Variants in GLI3 observed in about 807,000 individuals in gnomAD.
The protein encoded by GLI3 is GLI family zinc finger 3.
GLI3 carries 20 observed loss-of-function variants against 100.8 expected under a neutral mutation model. The observed-to-expected ratio is 0.20, with a 90% CI of 0.14 to 0.29. The LOEUF (loss-of-function observed/expected upper bound fraction) is 0.29. Ranked by LOEUF, GLI3 falls within the 10% of genes least tolerant of loss-of-function variation. The pLI is 1.00. For synonymous variants in GLI3, 938 were observed against 860.5 expected (o/e 1.09, Z -1.58); for missense variants, 2,040 against 2,128.5 (o/e 0.96, Z 0.82).
Position 41,962,618 on chromosome 7 carries a change from G to A in GLI3, c.*1712C>T, listed in dbSNP as rs1486991866. Reference sequence around the variant, plus strand: ...CTAATAGTCTTAGCCAAAGTCCCCAGTGGCAAATCAACCTCCATGCGGAGA... The same window carrying A: ...CTAATAGTCTTAGCCAAAGTCCCCAATGGCAAATCAACCTCCATGCGGAGA... On this transcript the variant is annotated 3_prime_UTR_variant, in exon 15 of 15. Coordinates refer to ENST00000395925, the MANE Select transcript of GLI3 (RefSeq NM_000168.6). The A allele has an allele frequency of 6.6e-6, 1 of 152,188 alleles. No homozygotes were observed. Among genetic ancestry groups the A allele is most frequent in the Non-Finnish European group, 1.5e-5 (1 of 68,048 alleles). 9.4% of individuals were successfully genotyped at this position (152,188 alleles called of 1,614,324 possible). A position where few individuals can be genotyped will look rare whatever the true frequency, so the allele number is the denominator to read the frequency against.
Position 42,025,462 on chromosome 7 carries a change from G to T in GLI3, c.1243-85C>A, listed in dbSNP as rs974178669. 2.2e-5 allele frequency: 21 copies of T among 949,866 alleles called. No homozygotes were observed. The Admixed American group carries it at 3.5e-4, about 16-fold the overall frequency. 58.8% of individuals were successfully genotyped at this position (949,866 alleles called of 1,614,324 possible). A position where few individuals can be genotyped will look rare whatever the true frequency, so the allele number is the denominator to read the frequency against. Reference sequence around the variant, plus strand: ...CATAATTAAAACCTTGCCAACTCGGGACAAGCGGTCTTATTTGGCTATAAA... The same window carrying T: ...CATAATTAAAACCTTGCCAACTCGGTACAAGCGGTCTTATTTGGCTATAAA... On this transcript the variant is annotated intron_variant, in intron 8 of 14. Coordinates refer to ENST00000395925, the MANE Select transcript of GLI3 (RefSeq NM_000168.6).
At position 42,033,478 on chromosome 7, in the gene GLI3, C is replaced by T. The variant is rs112325569; in HGVS notation, c.1028+6560G>A. On this transcript the variant is annotated intron_variant, in intron 7 of 14. Coordinates refer to ENST00000395925, the MANE Select transcript of GLI3 (RefSeq NM_000168.6). ...GAAGAAGAATCCAATGAGTATCCCA[C>T]CTCTCCTAATTCTTTTGCTCATGAA... Among the ~76,000 whole-genome samples the T allele has an allele frequency of 3.7e-3, 571 of 152,306 alleles. 7 individuals are homozygous for T. Among genetic ancestry groups the T allele is most frequent in the African/African-American group, 0.012 (518 of 41,566 alleles).
At chr7:42,234,791 G>T (rs544803927) in intron 1 of GLI3, among the ~76,000 whole-genome samples, 9 of 152,238 alleles carry the variant, frequency 5.9e-5, no homozygotes, top group Admixed American at 5.9e-4. Context: ...TTTAAGAATT[G>T]CATACCCTGA....
intron 3 of GLI3, among the ~76,000 whole-genome samples, chr7:42,123,854 T>A (rs560212155): frequency 6.6e-6 from 1 of 152,308 alleles, no homozygotes; most frequent in East Asian, 1.9e-4. Flanking sequence ...TTTAAAAACT[T>A]GTTAAAAACA....
In GLI3 at chr7:42,082,231, C is replaced by T. The variant is rs930408716; in HGVS notation, c.368-5374G>A. Among the ~76,000 whole-genome samples, 20 of 152,126 alleles carry T rather than the reference C, an allele frequency of 1.3e-4. No individual in the cohort carries two copies. The East Asian group carries it at 3.3e-3, about 25-fold the overall frequency. On this transcript the variant is annotated intron_variant, in intron 3 of 14. Coordinates refer to ENST00000395925, the MANE Select transcript of GLI3 (RefSeq NM_000168.6). Reference sequence around the variant, plus strand: ...GAGATAGTAGAGAGGCAGCCCAGGCCTCATCACTGTCTCTTCCCACCATGG... The same window carrying T: ...GAGATAGTAGAGAGGCAGCCCAGGCTTCATCACTGTCTCTTCCCACCATGG...
intron 10 of GLI3, among the ~76,000 whole-genome samples, chr7:41,985,376 G>A (rs73099015): frequency 6.6e-6 from 1 of 152,104 alleles, no homozygotes; most frequent in East Asian, 1.9e-4. Context: ...GGATTTGCTG[G>A]GGAAAGATAT....
At chr7:42,077,441 A>T (rs2072201) in intron 3 of GLI3, among the ~76,000 whole-genome samples, 49,382 of 150,696 alleles carry the variant, frequency 0.33, 8,851 homozygotes, top group East Asian at 0.54. Flanking sequence ...TAGTCCCCAC[A>T]CAAAGGCAGC....
At chr7:42,007,370 C>T (rs554637321) in intron 10 of GLI3, among the ~76,000 whole-genome samples, 8 of 152,172 alleles carry the variant, frequency 5.3e-5, no homozygotes, top group Admixed American at 4.6e-4. Flanking sequence ...GATTGAGATG[C>T]ACTCTGCTAA....
chr7:42,258,801 C>G (rs1789111716), intron 1 of GLI3, among the ~76,000 whole-genome samples: 1 of 152,144 alleles, frequency 6.6e-6, no homozygotes, highest in South Asian at 2.1e-4. Context: ...ACCTAATCAC[C>G]CAACAAAGGC....
intron 10 of GLI3, among the ~76,000 whole-genome samples, chr7:42,005,130 A>G (rs140195504): frequency 1.3e-5 from 2 of 152,320 alleles, no homozygotes; most frequent in African/African-American, 4.8e-5. Flanking sequence ...TTTTAGAAAT[A>G]CATGAAGACA....
intron 10 of GLI3, among the ~76,000 whole-genome samples, chr7:42,012,353 A>G (rs1788638943): frequency 6.6e-6 from 1 of 152,102 alleles, no homozygotes; most frequent in Non-Finnish European, 1.5e-5. Flanking sequence ...ACCAAGATGG[A>G]TTTTAGAATC....
At chr7:42,091,575 C>G (rs1284878669) in intron 3 of GLI3, among the ~76,000 whole-genome samples, 1 of 152,234 alleles carries the variant, frequency 6.6e-6, no homozygotes, top group Admixed American at 6.5e-5. Context: ...GTCCTGAGGG[C>G]TAATTGGGCT....
Position 41,965,345 on chromosome 7 carries a change from G to C in GLI3, c.3728C>G (p.Ala1243Gly). The change falls in exon 15 of 15, where the codon GCC becomes GGC. Residue 1243 changes from alanine to glycine, a missense_variant. Physicochemically the swap from Ala to Gly is moderately conservative, Grantham distance 60. Coordinates refer to ENST00000395925, the MANE Select transcript of GLI3 (RefSeq NM_000168.6). ...NSPGSGTSGN[A>G]FHEQPCKAPQ... ...GGCCTTACAGGGCTGTTCATGGAAG[G>C]CGTTTCCACTGGTGCCACTTCCGGG... 6.2e-7 allele frequency: 1 copy of C among 1,613,746 alleles called. No homozygotes were observed.
chr7:42,108,518 T>C (rs1299540230), intron 3 of GLI3, among the ~76,000 whole-genome samples: 3 of 152,166 alleles, frequency 2.0e-5, no homozygotes, highest in South Asian at 2.1e-4. Flanking sequence ...GAGCAGAGTA[T>C]GTGTTCAAGT....
At chr7:42,220,281 T>A (rs563132129) in intron 2 of GLI3, among the ~76,000 whole-genome samples, 1 of 152,298 alleles carries the variant, frequency 6.6e-6, no homozygotes, top group East Asian at 1.9e-4. Context: ...TATGATTCTG[T>A]TTTCCTTTCT....
intron 5 of GLI3, 49 bp downstream of exon 5, chr7:42,048,442 G>C (rs373717143): frequency 2.5e-6 from 3 of 1,204,634 alleles, no homozygotes; most frequent in Non-Finnish European, 2.5e-6. Context: ...AGTGAGGAGC[G>C]GGGAGGAGGC....
chr7:42,037,310 A>T (rs942033789), intron 7 of GLI3, among the ~76,000 whole-genome samples: 1 of 152,188 alleles, frequency 6.6e-6, no homozygotes, highest in Non-Finnish European at 1.5e-5. Flanking sequence ...TGAGAAAGTT[A>T]GTTACCTTTT....
At chr7:42,105,872 A>C (rs1301071223) in intron 3 of GLI3, among the ~76,000 whole-genome samples, 1 of 152,080 alleles carries the variant, frequency 6.6e-6, no homozygotes, top group African/African-American at 2.4e-5. Context: ...CATAAGACTG[A>C]TTTTAATGAG....
At chr7:42,055,711 T>A (rs1218220736) in intron 4 of GLI3, among the ~76,000 whole-genome samples, 1 of 152,202 alleles carries the variant, frequency 6.6e-6, no homozygotes, top group African/African-American at 2.4e-5. Context: ...CCATTTCCAA[T>A]CCTATTTTCA....
Sources: allele counts gnomAD v4.1 joint callset (sites outside exome capture counted in the v4.1 genomes callset), GRCh38; gene constraint gnomAD v4.1.1; transcripts MANE v1.5; gene names NCBI Gene and HGNC (gene_info 2026-07-23, HGNC 2026-07-21).